TMEM217B: variants seen among roughly 807,000 people sequenced by gnomAD.
TMEM217B encodes putative transmembrane protein 217B.
the TMEM217B span, among the ~76,000 whole-genome samples, chr6:37,241,675 A>AT: frequency 6.6e-6 from 1 of 152,000 alleles, no homozygotes; most frequent in African/African-American, 2.4e-5. Flanking sequence ...GAGAGATTGA[A>AT]TTTTTTTCTA....
At chr6:37,258,133 G>A in the TMEM217B span, 220 of 802,342 alleles carry the variant, frequency 2.7e-4, no homozygotes, top group African/African-American at 3.7e-3. Flanking sequence ...GCAGCGAAGC[G>A]AACAGCGAGC....
At chr6:37,249,013 G>A in the TMEM217B span, among the ~76,000 whole-genome samples, 1 of 152,088 alleles carries the variant, frequency 6.6e-6, no homozygotes, top group Non-Finnish European at 1.5e-5. Context: ...CTGCCTCTGT[G>A]GTCACACTGC....
the TMEM217B span, among the ~76,000 whole-genome samples, chr6:37,255,681 C>G: frequency 7.0e-6 from 1 of 142,614 alleles, no homozygotes; most frequent in Admixed American, 6.9e-5. Context: ...AAGACCTGGT[C>G]TCAAAAAAAA....
the TMEM217B span, among the ~76,000 whole-genome samples, chr6:37,222,037 C>T: frequency 9.0e-4 from 137 of 152,310 alleles, no homozygotes; most frequent in African/African-American, 3.2e-3. Flanking sequence ...TAGCTCCTCT[C>T]TGCAGCTGGT....
At chr6:37,226,330 T>C in the TMEM217B span, among the ~76,000 whole-genome samples, 1 of 140,532 alleles carries the variant, frequency 7.1e-6, no homozygotes, top group African/African-American at 2.7e-5. Context: ...TCTCGCTCTT[T>C]CGCCCAGGCT....
the TMEM217B span, among the ~76,000 whole-genome samples, chr6:37,234,102 CTTTT>C: frequency 4.7e-5 from 6 of 127,774 alleles, no homozygotes; most frequent in Admixed American, 7.9e-5. Flanking sequence ...TATTAAATGC[CTTTT>C]TTTTTTTTTT....
chr6:37,229,335 G>GTTTTTTTTTTTTTTT, the TMEM217B span, among the ~76,000 whole-genome samples: 3 of 74,368 alleles, frequency 4.0e-5, no homozygotes, highest in African/African-American at 1.1e-4. Flanking sequence ...GCAACTTTCA[G>GTTTTTTTTTTTTTTT]TTTTTTTTTT....
chr6:37,225,523 T>C, the TMEM217B span, among the ~76,000 whole-genome samples: 1 of 152,196 alleles, frequency 6.6e-6, no homozygotes, highest in East Asian at 1.9e-4. Flanking sequence ...AAAAGACATG[T>C]AATCTAATCT....
chr6:37,240,312 TA>T, the TMEM217B span, among the ~76,000 whole-genome samples: 1 of 152,210 alleles, frequency 6.6e-6, no homozygotes, highest in Non-Finnish European at 1.5e-5. Flanking sequence ...GGGGGCCATC[TA>T]AAGGCTCTAC....
chr6:37,226,705 G>A, the TMEM217B span, among the ~76,000 whole-genome samples: 1 of 152,064 alleles, frequency 6.6e-6, no homozygotes, highest in Non-Finnish European at 1.5e-5. Context: ...GGGATTACAG[G>A]CGCGTGCAAC....
chr6:37,233,085 C>G, the TMEM217B span, among the ~76,000 whole-genome samples: 1 of 152,200 alleles, frequency 6.6e-6, no homozygotes, highest in East Asian at 1.9e-4. Flanking sequence ...TTGACATACT[C>G]AACGAGAATG....
chr6:37,235,798 G>A, the TMEM217B span, among the ~76,000 whole-genome samples: 2 of 152,148 alleles, frequency 1.3e-5, no homozygotes, highest in African/African-American at 4.8e-5. Flanking sequence ...GAAAGTAGAA[G>A]GGCAAGGGGA....
At chr6:37,229,335 GTTTTT>G in the TMEM217B span, among the ~76,000 whole-genome samples, 3 of 74,368 alleles carry the variant, frequency 4.0e-5, no homozygotes, top group African/African-American at 1.1e-4. Context: ...GCAACTTTCA[GTTTTT>G]TTTTTTTTTT....
At chr6:37,252,823 A>G in the TMEM217B span, among the ~76,000 whole-genome samples, 2 of 151,468 alleles carry the variant, frequency 1.3e-5, no homozygotes, top group African/African-American at 2.4e-5. Context: ...TATTTTTGAT[A>G]GAGATGGGGT....
At chr6:37,235,096 A>G in the TMEM217B span, among the ~76,000 whole-genome samples, 1 of 152,192 alleles carries the variant, frequency 6.6e-6, no homozygotes. Flanking sequence ...GGACAGCTGG[A>G]TAACTCTGTC....
chr6:37,235,998 T>C, the TMEM217B span, among the ~76,000 whole-genome samples: 1 of 152,270 alleles, frequency 6.6e-6, no homozygotes, highest in Non-Finnish European at 1.5e-5. Flanking sequence ...GAGTTTAAAA[T>C]ATTCATACTA....
the TMEM217B span, chr6:37,215,351 C>T: frequency 1.4e-3 from 2,161 of 1,535,748 alleles, 9 homozygotes; most frequent in Middle Eastern, 0.018. Context: ...TTGAGGCAGG[C>T]GGATCACGAG....
At chr6:37,239,166 A>T in the TMEM217B span, among the ~76,000 whole-genome samples, 2 of 152,048 alleles carry the variant, frequency 1.3e-5, no homozygotes, top group Non-Finnish European at 2.9e-5. Flanking sequence ...AATAAGTATT[A>T]AAAATTATTT....
the TMEM217B span, among the ~76,000 whole-genome samples, chr6:37,234,140 C>T: frequency 6.6e-6 from 1 of 150,674 alleles, no homozygotes; most frequent in Non-Finnish European, 1.5e-5. Flanking sequence ...TGCTCTGTCA[C>T]CCAGGATGGA....
Sources: allele counts gnomAD v4.1 joint callset (sites outside exome capture counted in the v4.1 genomes callset), GRCh38; gene constraint gnomAD v4.1.1; transcripts MANE v1.5; gene names NCBI Gene and HGNC (gene_info 2026-07-23, HGNC 2026-07-21).